Variants in SLC38A9 observed in about 807,000 individuals in gnomAD.
SLC38A9 encodes the protein neutral amino acid transporter 9.
In SLC38A9, 48 loss-of-function variants were observed where a neutral mutation model predicts 62.3. That is an observed-to-expected ratio of 0.77 (90% CI 0.61 to 0.98). The LOEUF (loss-of-function observed/expected upper bound fraction) is 0.98. SLC38A9 is among the 50% of genes least tolerant of loss of function. SLC38A9 has a pLI of 0.00. For missense variants in SLC38A9, 541 were observed against 679.8 expected (o/e 0.80, Z 2.27); for synonymous variants, 204 against 227.7 (o/e 0.90, Z 0.94).
intron 10 of SLC38A9, among the ~76,000 whole-genome samples, chr5:55,652,310 T>C (rs1255705051): frequency 7.7e-6 from 1 of 130,208 alleles, no homozygotes; most frequent in Non-Finnish European, 1.6e-5. Flanking sequence ...TGAGCCAAGA[T>C]TGAGCCATTG....
intron 2 of SLC38A9, among the ~76,000 whole-genome samples, chr5:55,699,301 T>A (rs781525223): frequency 2.0e-5 from 3 of 152,134 alleles, no homozygotes; most frequent in Non-Finnish European, 2.9e-5. Flanking sequence ...ACATCATGTG[T>A]GTGTATGAGC....
Position 55,652,572 on chromosome 5 carries a change from G to A in SLC38A9, c.909C>T (p.Leu303=). Residue 303 remains leucine, a synonymous_variant, in exon 10 of 16, where the codon CTC becomes CTT. Coordinates refer to ENST00000396865, the MANE Select transcript of SLC38A9 (RefSeq NM_173514.4). ...AAAAAAATGAAGGAGACTTGAAATT[G>A]AGCAGTGGGAGGAGGAGCCCTACAA... ...FYLVGLLLPL[L]NFKSPSFFSK... The A allele has an allele frequency of 6.2e-7, 1 of 1,606,862 alleles. No homozygotes were observed. Among genetic ancestry groups the A allele is most frequent in the Non-Finnish European group, 8.5e-7 (1 of 1,176,802 alleles).
At chr5:55,708,060 T>C (rs558772035) in intron 2 of SLC38A9, among the ~76,000 whole-genome samples, 4 of 152,322 alleles carry the variant, frequency 2.6e-5, no homozygotes, top group Admixed American at 2.0e-4. Context: ...TGTTTATAAA[T>C]TACCTAGCCT....
At chr5:55,630,462 C>T (rs1358009130) in intron 14 of SLC38A9, among the ~76,000 whole-genome samples, 1 of 151,946 alleles carries the variant, frequency 6.6e-6, no homozygotes, top group Admixed American at 6.6e-5. Flanking sequence ...GGATTACAAG[C>T]GCCTGCCACT....
intron 12 of SLC38A9, among the ~76,000 whole-genome samples, chr5:55,640,001 T>TC (rs1462268257): frequency 6.7e-6 from 1 of 148,374 alleles, no homozygotes; most frequent in Non-Finnish European, 1.5e-5. Flanking sequence ...TTTTTTTTTT[T>TC]TTGAGATGGA....
At chr5:55,694,590 T>C (rs1456435779) in intron 3 of SLC38A9, among the ~76,000 whole-genome samples, 1 of 152,170 alleles carries the variant, frequency 6.6e-6, no homozygotes, top group African/African-American at 2.4e-5. Flanking sequence ...CAGTAATACC[T>C]TAATCAATAT....
chr5:55,638,495 A>G (rs976189555), intron 12 of SLC38A9, among the ~76,000 whole-genome samples: 4 of 152,224 alleles, frequency 2.6e-5, no homozygotes, highest in Non-Finnish European at 5.9e-5. Context: ...AATGGCTGGC[A>G]GGGTTGACGG....
chr5:55,654,533 A>C (rs1232459148), intron 9 of SLC38A9, among the ~76,000 whole-genome samples: 1 of 152,058 alleles, frequency 6.6e-6, no homozygotes, highest in Non-Finnish European at 1.5e-5. Flanking sequence ...GAAACCCAGA[A>C]GTACCAGGTT....
intron 8 of SLC38A9, among the ~76,000 whole-genome samples, chr5:55,662,782 A>C (rs1749819462): frequency 6.6e-6 from 1 of 152,136 alleles, no homozygotes. Context: ...CACCAAATTC[A>C]GAGAAGGAAA....
intron 3 of SLC38A9, among the ~76,000 whole-genome samples, chr5:55,678,891 C>A (rs2150411675): frequency 6.6e-6 from 1 of 151,884 alleles, no homozygotes; most frequent in South Asian, 2.1e-4. Flanking sequence ...AACTCCTGGC[C>A]TCAAGTAATC....
chr5:55,695,152 T>TA (rs1554067725), intron 3 of SLC38A9, among the ~76,000 whole-genome samples: 2 of 151,426 alleles, frequency 1.3e-5, no homozygotes, highest in African/African-American at 4.9e-5. Context: ...TAAATTTTTT[T>TA]AATATGCAAT....
chr5:55,661,233 A>G (rs1402765092), intron 8 of SLC38A9, among the ~76,000 whole-genome samples: 1 of 152,046 alleles, frequency 6.6e-6, no homozygotes, highest in African/African-American at 2.4e-5. Context: ...TCATGAGGTC[A>G]GGAGATCCAG....
rs761295520 is a variant in SLC38A9 at position 55,664,674 on chromosome 5, A to G, written c.697+19T>C. Reference sequence around the variant, plus strand: ...TATTTGAAAGTACTGTGTTAAAAGCATATGATATAGATACTTACTAAAAAT... The same window carrying G: ...TATTTGAAAGTACTGTGTTAAAAGCGTATGATATAGATACTTACTAAAAAT... On this transcript the variant is annotated intron_variant, in intron 8 of 15. Transcript: ENST00000396865. 2.3e-5 allele frequency: 31 copies of G among 1,369,214 alleles called. No homozygotes were observed. Among genetic ancestry groups the G allele is most frequent in the Non-Finnish European group, 2.9e-5 (30 of 1,017,386 alleles). The allele number at this position is 1,369,214 out of a possible 1,614,324, so 84.8% of individuals were successfully genotyped here.
chr5:55,626,617 G>A lies in SLC38A9; in HGVS notation c.1563C>T (p.Tyr521=), dbSNP rs1303241573. 7 of 1,612,362 alleles carry A rather than the reference G, an allele frequency of 4.3e-6. No homozygotes were observed. Among genetic ancestry groups the A allele is most frequent in the Non-Finnish European group, 5.9e-6 (7 of 1,179,078 alleles). ...GGGAAATTATATAGATGAGAGATGGGTATATGAATACAAAGGCCAGTCCAC... is the reference window on the plus strand; with the variant it reads ...GGGAAATTATATAGATGAGAGATGGATATATGAATACAAAGGCCAGTCCAC... ...AACGLAFVFI[Y]PSLIYIISLH... The change falls in exon 16 of 16, where the codon TAC becomes TAT. Residue 521 remains tyrosine (Y), a synonymous_variant. Coordinates refer to ENST00000396865, the MANE Select transcript of SLC38A9 (RefSeq NM_173514.4).
At chr5:55,686,902 G>A (rs536643138) in intron 3 of SLC38A9, among the ~76,000 whole-genome samples, 2 of 152,126 alleles carry the variant, frequency 1.3e-5, no homozygotes, top group East Asian at 3.9e-4. Flanking sequence ...TTTTTGTCAG[G>A]TTTGTTGAAG....
chr5:55,706,956 T>C (rs1271743544), intron 2 of SLC38A9, among the ~76,000 whole-genome samples: 1 of 152,050 alleles, frequency 6.6e-6, no homozygotes, highest in Admixed American at 6.5e-5. Context: ...CTTTTTTTTT[T>C]TTTGAGACAG....
chr5:55,668,022 A>C (rs533384669), intron 7 of SLC38A9, among the ~76,000 whole-genome samples: 342 of 152,262 alleles, frequency 2.2e-3, no homozygotes, highest in Non-Finnish European at 4.4e-3. Context: ...AATACAAAAA[A>C]TTAACTGGGC....
At chr5:55,701,238 T>A (rs546171907) in intron 2 of SLC38A9, among the ~76,000 whole-genome samples, 1 of 152,334 alleles carries the variant, frequency 6.6e-6, no homozygotes, top group South Asian at 2.1e-4. Context: ...CTAAACTTCT[T>A]TTTTGAATTT....
At chr5:55,636,977 A>T (rs1744506250) in intron 12 of SLC38A9, among the ~76,000 whole-genome samples, 1 of 152,168 alleles carries the variant, frequency 6.6e-6, no homozygotes, top group South Asian at 2.1e-4. Context: ...AGTCACCCCT[A>T]GGGTTGCCTC....
Sources: gnomAD v4.1 joint callset for allele counts (sites outside exome capture counted in the v4.1 genomes callset) on GRCh38, gnomAD v4.1.1 for gene constraint, MANE v1.5 for transcripts, NCBI Gene and HGNC (gene_info 2026-07-23, HGNC 2026-07-21) for gene names.